PRKAG2: variants seen among roughly 807,000 people sequenced by gnomAD.
PRKAG2 encodes protein kinase AMP-activated non-catalytic subunit gamma 2.
In PRKAG2, 26 loss-of-function variants were observed where a neutral mutation model predicts 69.6. The observed-to-expected ratio is 0.37, with a 90% CI of 0.27 to 0.52. The LOEUF (loss-of-function observed/expected upper bound fraction) is 0.52, where lower values mean the gene tolerates loss of function less well. Among genes scored for constraint, PRKAG2 ranks in the 20% least tolerant of loss-of-function variants. The pLI, the probability that PRKAG2 is intolerant of heterozygous loss-of-function variation, is 0.90. For synonymous variants in PRKAG2, 293 were observed against 285.0 expected (o/e 1.03, Z -0.28); for missense variants, 557 against 740.0 (o/e 0.75, Z 2.87).
Position 151,666,503 on chromosome 7 carries a change from C to G in PRKAG2, c.684+8917G>C, listed in dbSNP as rs10228852. 4.7e-3 allele frequency among the ~76,000 whole-genome samples: 722 copies of G among 152,312 alleles called. 3 individuals are homozygous for G. The highest frequency in any genetic ancestry group is 0.017 in the African/African-American group (690 of 41,580). ...GTCTGTGGTATTCTGTTATGATAGT[C>G]CCAGCAAACTAATATAGTATCTCTT... On this transcript the variant is annotated intron_variant, in intron 4 of 15. Coordinates refer to ENST00000287878, the MANE Select transcript of PRKAG2 (RefSeq NM_016203.4).
chr7:151,797,998 T>C (rs1169784107), intron 1 of PRKAG2, among the ~76,000 whole-genome samples: 1 of 152,042 alleles, frequency 6.6e-6, no homozygotes, highest in African/African-American at 2.4e-5. Flanking sequence ...AAATGTACTT[T>C]GTTTGTTTGT....
intron 3 of PRKAG2, among the ~76,000 whole-genome samples, chr7:151,715,975 G>A (rs1796122101): frequency 6.6e-6 from 1 of 152,160 alleles, no homozygotes; most frequent in African/African-American, 2.4e-5. Flanking sequence ...GAAATGATAT[G>A]TCTTGGATTT....
intron 1 of PRKAG2, chr7:151,806,986 C>T (rs2151846280): frequency 2.2e-6 from 1 of 455,906 alleles, no homozygotes; most frequent in Middle Eastern, 3.3e-4. Context: ...ATTTAAACAT[C>T]ACTTGTGTCC....
chr7:151,815,780 A>G (rs190126169), intron 1 of PRKAG2, among the ~76,000 whole-genome samples: 1 of 152,316 alleles, frequency 6.6e-6, no homozygotes, highest in East Asian at 1.9e-4. Context: ...TTGAATTGTT[A>G]GGAGAAAATG....
chr7:151,757,912 A>G (rs1282887764), intron 3 of PRKAG2, among the ~76,000 whole-genome samples: 1 of 152,266 alleles, frequency 6.6e-6, no homozygotes, highest in Admixed American at 6.5e-5. Context: ...TTATGCCATC[A>G]GATGGATTTG....
chr7:151,835,106 G>A lies in PRKAG2; in HGVS notation c.114+41401C>T, dbSNP rs567371625. On this transcript the variant is annotated intron_variant, in intron 1 of 15. Coordinates refer to ENST00000287878, the MANE Select transcript of PRKAG2 (RefSeq NM_016203.4). This position sits in a 1 kb window ranked among gnomAD's most constrained non-coding sequence, Gnocchi z 4.1. Reference sequence around the variant, plus strand: ...CATCAAAACTCATCACATCGGAAACGACCCTGTTTCCAAAAGAGGTCACAT... The same window carrying A: ...CATCAAAACTCATCACATCGGAAACAACCCTGTTTCCAAAAGAGGTCACAT... Among the ~76,000 whole-genome samples the A allele has an allele frequency of 1.3e-5, 2 of 152,156 alleles. No homozygotes were observed. The highest frequency in any genetic ancestry group is 4.8e-5 in the African/African-American group (2 of 41,422).
At position 151,850,640 on chromosome 7, in the gene PRKAG2, C is replaced by T. The variant is rs2079546697; in HGVS notation, c.114+25867G>A. Among the ~76,000 whole-genome samples the T allele has an allele frequency of 1.3e-5, 2 of 152,220 alleles. No homozygotes were observed. The highest frequency in any genetic ancestry group is 2.4e-5 in the African/African-American group (1 of 41,452). The stretch of plus-strand genomic sequence containing the variant: ...AAGTTCTACACTCCTTCCCGCCTGC[C>T]CCACCTCCATCGTCCTGTGTCCAGG... On this transcript the variant is annotated intron_variant, in intron 1 of 15. Coordinates refer to ENST00000287878, the MANE Select transcript of PRKAG2 (RefSeq NM_016203.4). This position sits in a 1 kb window ranked among gnomAD's most constrained non-coding sequence, Gnocchi z 4.1.
chr7:151,715,072 C>T (rs1273511741), intron 3 of PRKAG2, among the ~76,000 whole-genome samples: 1 of 142,988 alleles, frequency 7.0e-6, no homozygotes, highest in Admixed American at 6.9e-5. Flanking sequence ...CTGGAGTGCA[C>T]TGGTGTGATC....
At chr7:151,560,726 A>G in intron 14 of PRKAG2, 109 bp from the exon 15 acceptor site, 1 of 1,392,826 alleles carries the variant, frequency 7.2e-7, no homozygotes, top group South Asian at 1.2e-5. Flanking sequence ...ACATCCCTCC[A>G]GCCTGGGGAA....
chr7:151,670,138 A>T (rs997765667), intron 4 of PRKAG2, among the ~76,000 whole-genome samples: 4 of 151,220 alleles, frequency 2.6e-5, no homozygotes, highest in Non-Finnish European at 4.4e-5. Flanking sequence ...ATGCACACAC[A>T]CCTGTGCACA....
At chr7:151,589,595 T>C (rs1001743531) in intron 6 of PRKAG2, among the ~76,000 whole-genome samples, 9 of 152,252 alleles carry the variant, frequency 5.9e-5, no homozygotes, top group African/African-American at 2.2e-4. Flanking sequence ...TCTGTTCAAA[T>C]AACTGGTGTG....
intron 5 of PRKAG2, among the ~76,000 whole-genome samples, chr7:151,631,323 C>T (rs909508625): frequency 2.6e-5 from 4 of 152,204 alleles, no homozygotes; most frequent in Non-Finnish European, 5.9e-5. Context: ...TGCGTAAGAG[C>T]AAGCTCATCC....
chr7:151,793,442 T>A (rs1176782025), intron 1 of PRKAG2, among the ~76,000 whole-genome samples: 6 of 152,180 alleles, frequency 3.9e-5, no homozygotes. Context: ...GCTCCCTCAA[T>A]CCTAAGGGCC....
rs1037880155 is a variant in PRKAG2 at position 151,777,191 on chromosome 7, C to T, written c.466+3961G>A. 4.6e-5 allele frequency among the ~76,000 whole-genome samples: 7 copies of T among 152,190 alleles called. No individual in the cohort carries two copies. ...GCCATGGCCAGGTTCAGCATGGGCC[C>T]CGAGGTCTAGCTCTTCACTGCGGCA... On this transcript the variant is annotated intron_variant, in intron 3 of 15. Transcript: ENST00000287878. This position sits in a 1 kb window ranked among gnomAD's most constrained non-coding sequence, Gnocchi z 4.3.
chr7:151,826,942 T>G (rs981751251), intron 1 of PRKAG2, among the ~76,000 whole-genome samples: 1 of 152,056 alleles, frequency 6.6e-6, no homozygotes, highest in Non-Finnish European at 1.5e-5. Context: ...AAGGCTGTAT[T>G]GAGAAAAAAA....
chr7:151,740,905 A>ACTAGGTCCC (rs2073838552), intron 3 of PRKAG2, among the ~76,000 whole-genome samples: 1 of 152,190 alleles, frequency 6.6e-6, no homozygotes, highest in African/African-American at 2.4e-5. Context: ...CCCCTGATAT[A>ACTAGGTCCC]CTGATGGATT....
At chr7:151,625,666 G>T (rs1822666415) in intron 5 of PRKAG2, among the ~76,000 whole-genome samples, 1 of 152,190 alleles carries the variant, frequency 6.6e-6, no homozygotes, top group Non-Finnish European at 1.5e-5. Flanking sequence ...CAGCAGCAAG[G>T]AGCTGTTCTC....
chr7:151,871,678 C>T (rs1370281408), intron 1 of PRKAG2, among the ~76,000 whole-genome samples: 2 of 152,232 alleles, frequency 1.3e-5, no homozygotes, highest in Non-Finnish European at 2.9e-5. Flanking sequence ...CCCACTGGCC[C>T]TAGGCTGTCC....
chr7:151,785,448 C>T (rs1339799130), intron 2 of PRKAG2, among the ~76,000 whole-genome samples: 2 of 152,224 alleles, frequency 1.3e-5, no homozygotes, highest in Non-Finnish European at 2.9e-5. Flanking sequence ...CTGGATGGGC[C>T]ACGAGAGCTG....
Sources: allele counts gnomAD v4.1 joint callset (sites outside exome capture counted in the v4.1 genomes callset), GRCh38; gene constraint gnomAD v4.1.1; non-coding constraint Gnocchi (gnomAD v3.1); transcripts MANE v1.5; gene names NCBI Gene and HGNC (gene_info 2026-07-23, HGNC 2026-07-21).